Variants in NRXN1 observed in about 807,000 individuals in gnomAD.
NRXN1 encodes neurexin 1, also known as neurexin-1.
In NRXN1, 39 loss-of-function variants were observed where a neutral mutation model predicts 150.9. That is an observed-to-expected ratio of 0.26 (90% CI 0.20 to 0.34). The LOEUF is 0.34. Among genes scored for constraint, NRXN1 ranks in the 10% least tolerant of loss-of-function variants. The probability of loss-of-function intolerance (pLI) is 1.00; values close to 1 mark genes in which losing one functional copy is unlikely to be tolerated. For synonymous variants in NRXN1, 924 were observed against 757.0 expected (o/e 1.22, Z -3.62); for missense variants, 1,815 against 1,949.9 (o/e 0.93, Z 1.30).
chr2:50,086,076 A>G (rs928298724), intron 19 of NRXN1, among the ~76,000 whole-genome samples: 10 of 152,206 alleles, frequency 6.6e-5, no homozygotes, highest in African/African-American at 2.4e-4. Context: ...GACGTGGAAT[A>G]GAAGAACGTT....
chr2:50,026,859 C>CCTT (rs1688379945), intron 21 of NRXN1, among the ~76,000 whole-genome samples: 1 of 65,234 alleles, frequency 1.5e-5, no homozygotes, highest in African/African-American at 6.4e-5. Flanking sequence ...CTTTTCTTTT[C>CCTT]TTTTTTTTTT....
intron 18 of NRXN1, among the ~76,000 whole-genome samples, chr2:50,165,029 C>A (rs2059590093): frequency 6.6e-6 from 1 of 152,018 alleles, no homozygotes; most frequent in African/African-American, 2.4e-5. Context: ...AAGAGACTCT[C>A]CAAACAATCT....
chr2:50,630,243 C>T (rs1239597103), intron 5 of NRXN1, among the ~76,000 whole-genome samples: 3 of 151,510 alleles, frequency 2.0e-5, no homozygotes, highest in African/African-American at 7.3e-5. Context: ...CATTACTGAA[C>T]CACTTCATTG....
intron 10 of NRXN1, among the ~76,000 whole-genome samples, chr2:50,532,598 T>C (rs1393054364): frequency 6.6e-6 from 1 of 152,136 alleles, no homozygotes; most frequent in East Asian, 1.9e-4. Flanking sequence ...AGCCCTGGTG[T>C]CCTGAATAAG....
At chr2:50,015,670 C>CA (rs1686470040) in intron 21 of NRXN1, among the ~76,000 whole-genome samples, 1 of 151,540 alleles carries the variant, frequency 6.6e-6, no homozygotes, top group Non-Finnish European at 1.5e-5. Context: ...GAATGAAAAA[C>CA]AAGAAAGCAC....
chr2:50,014,095 G>C, intron 21 of NRXN1, among the ~76,000 whole-genome samples: 1 of 148,608 alleles, frequency 6.7e-6, no homozygotes, highest in Admixed American at 6.8e-5. Flanking sequence ...TAAAGAGCTT[G>C]TTTTTTTTTT....
chr2:50,637,054 G>T (rs1402267072), intron 5 of NRXN1, among the ~76,000 whole-genome samples: 2 of 152,046 alleles, frequency 1.3e-5, no homozygotes, highest in Admixed American at 1.3e-4. Flanking sequence ...AGGAGCCCTA[G>T]GTTCAATTCC....
chr2:50,747,032 G>A (rs1055716732), intron 5 of NRXN1, among the ~76,000 whole-genome samples: 1 of 152,056 alleles, frequency 6.6e-6, no homozygotes, highest in Non-Finnish European at 1.5e-5. Context: ...ATATTTAAAT[G>A]CAAAAATGAA....
chr2:50,532,634 G>C (rs1310462646), intron 10 of NRXN1, among the ~76,000 whole-genome samples: 1 of 152,106 alleles, frequency 6.6e-6, no homozygotes, highest in African/African-American at 2.4e-5. Flanking sequence ...GTAATGATGT[G>C]CTTTTGCTAC....
At chr2:50,998,498 A>C (rs947452789) in intron 2 of NRXN1, among the ~76,000 whole-genome samples, 3 of 152,056 alleles carry the variant, frequency 2.0e-5, no homozygotes, top group African/African-American at 2.4e-5. Flanking sequence ...CAAAGAACGG[A>C]TCACACTCAC....
intron 8 of NRXN1, among the ~76,000 whole-genome samples, chr2:50,572,054 G>C (rs1342798436): frequency 6.6e-6 from 1 of 152,162 alleles, no homozygotes; most frequent in East Asian, 1.9e-4. Flanking sequence ...AAGCCCCAAA[G>C]ACTCTGGCGG....
intron 18 of NRXN1, among the ~76,000 whole-genome samples, chr2:50,143,779 C>T (rs940072592): frequency 2.0e-5 from 3 of 151,858 alleles, no homozygotes; most frequent in Non-Finnish European, 4.4e-5. Flanking sequence ...TTAGGTTGAT[C>T]TACTCCCCAT....
intron 5 of NRXN1, among the ~76,000 whole-genome samples, chr2:50,875,783 C>T (rs1178907728): frequency 6.6e-6 from 1 of 151,756 alleles, no homozygotes; most frequent in Non-Finnish European, 1.5e-5. Flanking sequence ...TAATGGGTGG[C>T]AGAAGCAAAT....
chr2:50,060,750 T>C (rs1694399276), intron 19 of NRXN1, among the ~76,000 whole-genome samples: 1 of 152,214 alleles, frequency 6.6e-6, no homozygotes, highest in Non-Finnish European at 1.5e-5. Context: ...GCAGTTCCCC[T>C]GCACATGCTC....
rs754878138 is a variant in NRXN1, at chr2:50,783,685, AC to A, written c.832+138183del. On this transcript the variant is annotated intron_variant, in intron 5 of 22. Transcript: ENST00000401669. ...CATTTTTCTCTCTAGTACTCTAGCT[AC>A]ATAAAACACTTGGTAATATACATAC... 7.9e-5 allele frequency among the ~76,000 whole-genome samples: 12 copies of A among 152,124 alleles called. No homozygotes were observed. The East Asian group carries it at 1.2e-3, about 15-fold the overall frequency.
intron 17 of NRXN1, among the ~76,000 whole-genome samples, chr2:50,450,935 C>T (rs2086898904): frequency 6.6e-6 from 1 of 152,160 alleles, no homozygotes; most frequent in African/African-American, 2.4e-5. Context: ...AAACAATTGA[C>T]TAGAAACCTG....
At chr2:51,026,534 C>A (rs952185377) in intron 2 of NRXN1, 2 of 1,048,236 alleles carry the variant, frequency 1.9e-6, no homozygotes, top group Admixed American at 2.2e-5. Context: ...GTTTTAAGCC[C>A]CAAGAACCAC....
chr2:50,343,333 A>C (rs2077690334), intron 17 of NRXN1, among the ~76,000 whole-genome samples: 1 of 152,234 alleles, frequency 6.6e-6, no homozygotes, highest in Admixed American at 6.5e-5. Context: ...CATATGGCAC[A>C]TCACATAAGC....
intron 17 of NRXN1, among the ~76,000 whole-genome samples, chr2:50,451,519 T>C (rs2086964264): frequency 6.6e-6 from 1 of 152,162 alleles, no homozygotes. Context: ...ATGAGCAATT[T>C]AGAAGGGAAA....
Sources: gnomAD v4.1 joint callset for allele counts (sites outside exome capture counted in the v4.1 genomes callset) on GRCh38, gnomAD v4.1.1 for gene constraint, MANE v1.5 for transcripts, NCBI Gene and HGNC (gene_info 2026-07-23, HGNC 2026-07-21) for gene names.